PPP2R5B: variants seen among roughly 807,000 people sequenced by gnomAD.
The protein encoded by PPP2R5B is serine/threonine-protein phosphatase 2A 56 kDa regulatory subunit beta isoform.
Under a neutral mutation model 59.9 loss-of-function variants are expected in PPP2R5B, and 19 were observed. The observed-to-expected ratio is 0.32, with a 90% confidence interval of 0.22 to 0.47. PPP2R5B has a LOEUF of 0.47. PPP2R5B is among the 20% of genes least tolerant of loss of function. The pLI is 1.00. For synonymous variants in PPP2R5B, 286 were observed against 260.5 expected (o/e 1.10, Z -0.94); for missense variants, 441 against 640.2 (o/e 0.69, Z 3.36).
At chr11:64,926,963 G>T (rs928185208) in intron 3 of PPP2R5B, 55 bp downstream of exon 3, 2 of 1,574,090 alleles carry the variant, frequency 1.3e-6, no homozygotes, top group Non-Finnish European at 1.7e-6. Context: ...TGTGAGCCCC[G>T]TTTCCTGTCC....
chr11:64,929,596 A>T (rs1267448548), intron 6 of PPP2R5B, among the ~76,000 whole-genome samples: 1 of 152,112 alleles, frequency 6.6e-6, no homozygotes, highest in Non-Finnish European at 1.5e-5. Context: ...TGTGGTGGTA[A>T]ACACCTGCAA....
Position 64,925,624 on chromosome 11 carries a change from C to A in PPP2R5B, c.-111C>A, listed in dbSNP as rs749743778. ...CAGGACTGTGGTTGTGCCCCCCCCC[C>A]AAAGGCCGGACAGGATGGGACCAAG... On this transcript the variant is annotated 5_prime_UTR_variant, in exon 2 of 14. Coordinates refer to ENST00000164133, the MANE Select transcript of PPP2R5B (RefSeq NM_006244.4). The surrounding 1 kb of genome is among the most constrained non-coding windows in gnomAD (Gnocchi z 4.6). The A allele has an allele frequency of 3.2e-5, 18 of 563,334 alleles. No individual in the cohort carries two copies. The highest frequency in any genetic ancestry group is 5.0e-5 in the Non-Finnish European group (16 of 320,632). 34.9% of individuals were successfully genotyped at this position (563,334 alleles called of 1,614,324 possible). A position where few individuals can be genotyped will look rare whatever the true frequency, so the allele number is the denominator to read the frequency against.
At position 64,928,285 on chromosome 11, in the gene PPP2R5B, G is replaced by A. The variant is rs781674628; in HGVS notation, c.592-10G>A. ...GACCCTGACCCTGACCCTGACTCTG[G>A]TTCCCACAGCTCCTGGAGCTATTTG... On this transcript the variant is annotated splice_polypyrimidine_tract_variant and intron_variant, in intron 5 of 13. Transcript: ENST00000164133. 6.2e-7 allele frequency: 1 copy of A among 1,613,520 alleles called. No individual in the cohort carries two copies. The highest frequency in any genetic ancestry group is 2.2e-5 in the East Asian group (1 of 44,872).
At chr11:64,933,382 C>A (rs1945249937) in intron 13 of PPP2R5B, 136 bp downstream of exon 13, 4 of 789,452 alleles carry the variant, frequency 5.1e-6, no homozygotes, top group Non-Finnish European at 8.3e-6. Context: ...CTCCTGCCAT[C>A]CTATGCCTGA....
chr11:64,932,864 T>A lies in PPP2R5B; in HGVS notation c.1216T>A (p.Tyr406Asn), dbSNP rs1945242144. 6.2e-7 allele frequency: 1 copy of A among 1,614,146 alleles called. No homozygotes were observed. Among genetic ancestry groups the A allele is most frequent in the African/African-American group, 1.3e-5 (1 of 75,040 alleles). Residue 406 changes from tyrosine (Y) to asparagine (N), a missense_variant, in exon 12 of 14, where the codon TAC becomes AAC. By Grantham distance (143) the Tyr-to-Asn change is moderately radical. Transcript: ENST00000164133. ...GCTGCCTGCTGTGTTTGGGACCCTC[T>A]ACCAAGTCTCCAAGGAGCACTGGAA... ...TVLPAVFGTL[Y>N]QVSKEHWNQT...
chr11:64,917,830 G>A (rs1207377763), intron 1 of PPP2R5B, among the ~76,000 whole-genome samples: 2 of 152,120 alleles, frequency 1.3e-5, no homozygotes, highest in African/African-American at 4.8e-5. Context: ...ACCAAGGAAG[G>A]TCTTTTTTCC....
At chr11:64,932,061 C>A (rs915099165) in intron 11 of PPP2R5B, among the ~76,000 whole-genome samples, 193 bp downstream of exon 11, 9 of 152,298 alleles carry the variant, frequency 5.9e-5, no homozygotes, top group African/African-American at 2.2e-4. Flanking sequence ...GGGCCTTGAG[C>A]AAATCACTGC....
At chr11:64,927,035 C>CG in intron 3 of PPP2R5B, 127 bp downstream of exon 3, 1 of 1,115,474 alleles carries the variant, frequency 9.0e-7, no homozygotes, top group Non-Finnish European at 1.3e-6. Context: ...CCACGTCTTC[C>CG]TTCCCCCCGA....
chr11:64,921,989 A>C (rs571234366), upstream of PPP2R5B, among the ~76,000 whole-genome samples: 16 of 151,992 alleles, frequency 1.1e-4, 1 homozygote, highest in South Asian at 3.3e-3. Context: ...CCAAGGCGAG[A>C]GGATCACTTG....
chr11:64,930,268 G>C, intron 6 of PPP2R5B, 54 bp from the exon 7 acceptor site: 2 of 1,588,604 alleles, frequency 1.3e-6, no homozygotes, highest in South Asian at 2.2e-5. Flanking sequence ...ATGCCTAAGG[G>C]GGCACTGGGC....
upstream of PPP2R5B, among the ~76,000 whole-genome samples, chr11:64,923,509 C>T (rs138758445): frequency 2.0e-5 from 3 of 152,316 alleles, no homozygotes; most frequent in African/African-American, 4.8e-5. Context: ...TCTCCAGTGC[C>T]GGAGTCCTGG....
upstream of PPP2R5B, among the ~76,000 whole-genome samples, chr11:64,923,570 G>C (rs1945129167): frequency 6.6e-6 from 1 of 152,188 alleles, no homozygotes; most frequent in Non-Finnish European, 1.5e-5. Flanking sequence ...GCCTTCTGTT[G>C]CTTTGGTAGG....
intron 6 of PPP2R5B, among the ~76,000 whole-genome samples, chr11:64,929,834 C>T (rs1387666888): frequency 2.6e-5 from 4 of 152,146 alleles, no homozygotes; most frequent in African/African-American, 7.2e-5. Flanking sequence ...GGACTGAGGC[C>T]GGGACTCTGA....
chr11:64,928,953 G>GT (rs1945200280), intron 6 of PPP2R5B, among the ~76,000 whole-genome samples: 1 of 151,516 alleles, frequency 6.6e-6, no homozygotes, highest in African/African-American at 2.4e-5. Context: ...GGGCAACGGG[G>GT]AGACTGTGTC....
At position 64,933,823 on chromosome 11, in the gene PPP2R5B, C is replaced by T. The variant is rs185359743; in HGVS notation, c.1473C>T (p.Ala491=). 6.1e-3 allele frequency: 9,447 copies of T among 1,548,048 alleles called. 39 individuals are homozygous for T. The highest frequency in any genetic ancestry group is 7.5e-3 in the Non-Finnish European group (8,548 of 1,146,300). The stretch of plus-strand genomic sequence containing the variant: ...TCCAGCGGCTTACACCCCAGGTGGC[C>T]GCCAGTGGGGGTCAGAGCTAGACAG... ...APLQRLTPQV[A]ASGGQS is the part of the protein sequence containing the mutation. Residue 491 remains alanine (A), a synonymous_variant, in exon 14 of 14, where the codon GCC becomes GCT. Coordinates refer to ENST00000164133, the MANE Select transcript of PPP2R5B (RefSeq NM_006244.4).
At chr11:64,924,529 G>A (rs1338905317), upstream of PPP2R5B, 1 of 152,326 alleles carries the variant, frequency 6.6e-6, no homozygotes, top group Non-Finnish European at 1.5e-5. Flanking sequence ...AAAAGCTTCG[G>A]CCTTCACCCC....
chr11:64,929,907 A>G (rs1411926403), intron 6 of PPP2R5B, among the ~76,000 whole-genome samples: 1 of 152,190 alleles, frequency 6.6e-6, no homozygotes, highest in African/African-American at 2.4e-5. Flanking sequence ...TGCACCTTGG[A>G]GTTCATTAGA....
At chr11:64,927,976 G>T in intron 4 of PPP2R5B, 73 bp downstream of exon 4, 1 of 1,565,838 alleles carries the variant, frequency 6.4e-7, no homozygotes, top group Non-Finnish European at 8.8e-7. Flanking sequence ...GGCCTCCTTA[G>T]CCCCTAGACA....
upstream of PPP2R5B, among the ~76,000 whole-genome samples, chr11:64,921,948 C>T (rs1430330045): frequency 1.3e-5 from 2 of 152,162 alleles, no homozygotes; most frequent in Admixed American, 1.3e-4. Context: ...CACATGGTGG[C>T]TCACACCTGT....
Sources: gnomAD v4.1 joint callset for allele counts (sites outside exome capture counted in the v4.1 genomes callset) on GRCh38, gnomAD v4.1.1 for gene constraint, Gnocchi (gnomAD v3.1) non-coding constraint, MANE v1.5 for transcripts, NCBI Gene and HGNC (gene_info 2026-07-23, HGNC 2026-07-21) for gene names.